AP4S1: variants seen among roughly 807,000 people sequenced by gnomAD.
The protein encoded by AP4S1 is adaptor related protein complex 4 subunit sigma 1.
Under a neutral mutation model 19.8 loss-of-function variants are expected in AP4S1, and 23 were observed. The observed-to-expected ratio is 1.16, with a 90% confidence interval of 0.84 to 1.65. The LOEUF is 1.65. Among genes scored for constraint, AP4S1 ranks in the 40% most tolerant of loss-of-function variants. The pLI, the probability that AP4S1 is intolerant of heterozygous loss-of-function variation, is 0.00. For missense variants in AP4S1, 166 were observed against 172.8 expected, an observed-to-expected ratio of 0.96 and a Z score of 0.22; for synonymous variants, 46 against 54.1, an observed-to-expected ratio of 0.85 and a Z score of 0.66.
intron 1 of AP4S1, among the ~76,000 whole-genome samples, chr14:31,057,727 G>GTGAT (rs1886198991): frequency 6.6e-6 from 1 of 152,130 alleles, no homozygotes; most frequent in African/African-American, 2.4e-5. Context: ...CTGGGTTCAA[G>GTGAT]TGATTCTCCT....
chr14:31,070,758 A>G (rs762744569), intron 3 of AP4S1, among the ~76,000 whole-genome samples: 3 of 152,210 alleles, frequency 2.0e-5, no homozygotes, highest in Admixed American at 6.5e-5. Flanking sequence ...TTTTGGCATT[A>G]AACATGGGCT....
intron 1 of AP4S1, among the ~76,000 whole-genome samples, chr14:31,034,801 A>G (rs1400716594): frequency 7.2e-6 from 1 of 138,134 alleles, no homozygotes; most frequent in African/African-American, 2.7e-5. Flanking sequence ...TTTTTTTTGT[A>G]TTTTTAGTAG....
Position 31,027,870 on chromosome 14 carries a change from G to A in AP4S1, c.-72+2083G>A, listed in dbSNP as rs77260599. Among the ~76,000 whole-genome samples the A allele has an allele frequency of 3.2e-3, 480 of 152,212 alleles. 1 individual carries two copies. Among genetic ancestry groups the A allele is most frequent in the African/African-American group, 0.011 (466 of 41,536 alleles). On this transcript the variant is annotated intron_variant, in intron 1 of 5. Coordinates refer to ENST00000542754, the MANE Select transcript of AP4S1 (RefSeq NM_001128126.3). ...TAACAACATAAGGAAATTAGGTTCA[G>A]TAATTATATTAATAGCGATGCAGGA...
intron 1 of AP4S1, among the ~76,000 whole-genome samples, chr14:31,055,609 A>G (rs1886063878): frequency 6.6e-6 from 1 of 152,130 alleles, no homozygotes; most frequent in Non-Finnish European, 1.5e-5. Context: ...ATTAAACTAT[A>G]CTGTACTAGT....
rs528216397 is a variant in AP4S1 at position 31,049,085 on chromosome 14, C to CA, written c.-71-17032dup. On this transcript the variant is annotated intron_variant, in intron 1 of 5. Transcript: ENST00000542754. ...CCAACATGGTGAAACCCCATCTCTACAAAAAAAAACAACCAAAAACCCATT... is the reference window on the plus strand; with the variant it reads ...CCAACATGGTGAAACCCCATCTCTACAAAAAAAAAACAACCAAAAACCCATT... Among the ~76,000 whole-genome samples the CA allele has an allele frequency of 3.5e-4, 52 of 148,852 alleles. 1 individual carries two copies. The Middle Eastern group carries it at 0.01, about 30-fold the overall frequency.
chr14:31,073,634 G>A lies in AP4S1; in HGVS notation c.294+661G>A, dbSNP rs1298988364. 1.2e-4 allele frequency among the ~76,000 whole-genome samples: 17 copies of A among 144,694 alleles called. No individual in the cohort carries two copies. In the East Asian group the frequency reaches 2.9e-3, roughly 24 times the overall value. 94.9% of individuals were successfully genotyped at this position (144,694 alleles called of 152,430 possible). ...TTTTTATTTTTTGAGACAGAGTTTC[G>A]CTCTTGTTGCCCAGGCTGGAGTGCA... On this transcript the variant is annotated intron_variant, in intron 4 of 5. Transcript: ENST00000542754.
At chr14:31,084,490 T>A (rs78440242) in intron 5 of AP4S1, among the ~76,000 whole-genome samples, 1 of 152,250 alleles carries the variant, frequency 6.6e-6, no homozygotes, top group Non-Finnish European at 1.5e-5. Context: ...GGACAGAAAC[T>A]CTGGCTTGTT....
chr14:31,029,517 A>G (rs373129138), intron 1 of AP4S1, among the ~76,000 whole-genome samples: 1 of 152,182 alleles, frequency 6.6e-6, no homozygotes, highest in Non-Finnish European at 1.5e-5. Context: ...CCCATTGCCT[A>G]TCTTCAAAAC....
At chr14:31,051,346 T>G (rs1885782365) in intron 1 of AP4S1, among the ~76,000 whole-genome samples, 1 of 152,028 alleles carries the variant, frequency 6.6e-6, no homozygotes, top group South Asian at 2.1e-4. Flanking sequence ...CAAAACTTCA[T>G]CATGCTACTC....
intron 1 of AP4S1, among the ~76,000 whole-genome samples, chr14:31,065,806 C>G (rs1886684024): frequency 6.6e-6 from 1 of 151,886 alleles, no homozygotes; most frequent in Non-Finnish European, 1.5e-5. Flanking sequence ...AACTACAGGC[C>G]CCCGCCACCA....
At chr14:31,035,945 T>C (rs569371971) in intron 1 of AP4S1, among the ~76,000 whole-genome samples, 237 of 152,212 alleles carry the variant, frequency 1.6e-3, no homozygotes, top group Non-Finnish European at 2.0e-3. Flanking sequence ...TTAGCCAGGA[T>C]GGTCTCGATA....
intron 3 of AP4S1, among the ~76,000 whole-genome samples, chr14:31,071,123 C>T (rs1486941552): frequency 2.0e-5 from 3 of 152,080 alleles, no homozygotes; most frequent in African/African-American, 7.2e-5. Flanking sequence ...TTACATCACC[C>T]CAAATTTATT....
In AP4S1 at chr14:31,055,852, T is replaced by C. The variant is rs567217274; in HGVS notation, c.-71-10274T>C. 7.0e-4 allele frequency among the ~76,000 whole-genome samples: 106 copies of C among 152,122 alleles called. 1 individual carries two copies. Among genetic ancestry groups the C allele is most frequent in the African/African-American group, 2.5e-3 (102 of 41,526 alleles). On this transcript the variant is annotated intron_variant, in intron 1 of 5. Coordinates refer to ENST00000542754, the MANE Select transcript of AP4S1 (RefSeq NM_001128126.3). ...TTTTTCTTTTTTCTTTTTTCTTTTT[T>C]TGTTTTTTTGAGACGGAGTCTCACT...
At chr14:31,069,815 A>T in intron 2 of AP4S1, 28 bp from the exon 3 acceptor site, 2 of 1,533,302 alleles carry the variant, frequency 1.3e-6, no homozygotes, top group East Asian at 4.5e-5. Flanking sequence ...CAGCCACAGG[A>T]ATTAATATCT....
At chr14:31,042,379 T>G (rs1885159591) in intron 1 of AP4S1, among the ~76,000 whole-genome samples, 1 of 152,132 alleles carries the variant, frequency 6.6e-6, no homozygotes, top group South Asian at 2.1e-4. Context: ...CACACAAACA[T>G]GCACACATGG....
At chr14:31,036,110 C>T (rs953362804) in intron 1 of AP4S1, among the ~76,000 whole-genome samples, 1 of 151,580 alleles carries the variant, frequency 6.6e-6, no homozygotes, top group Admixed American at 6.6e-5. Context: ...ATTATTTCCT[C>T]CTCCATATTT....
intron 2 of AP4S1, 39 bp downstream of exon 2, chr14:31,066,373 T>C (rs1886717786): frequency 1.9e-6 from 3 of 1,613,170 alleles, no homozygotes; most frequent in Non-Finnish European, 2.5e-6. Context: ...TGCATTCAAC[T>C]CAGCCTTGGC....
intron 1 of AP4S1, among the ~76,000 whole-genome samples, chr14:31,037,065 G>A (rs891777923): frequency 6.6e-6 from 1 of 151,988 alleles, no homozygotes; most frequent in African/African-American, 2.4e-5. Context: ...GCCTGCCTCG[G>A]CCTCCGAAAG....
chr14:31,082,996 A>G (rs1051293851), intron 5 of AP4S1, among the ~76,000 whole-genome samples: 16 of 152,234 alleles, frequency 1.1e-4, no homozygotes, highest in Non-Finnish European at 2.2e-4. Context: ...CCTTACATCT[A>G]AAACAGGAAG....
Sources: allele counts gnomAD v4.1 joint callset (sites outside exome capture counted in the v4.1 genomes callset), GRCh38; gene constraint gnomAD v4.1.1; transcripts MANE v1.5; gene names NCBI Gene and HGNC (gene_info 2026-07-23, HGNC 2026-07-21).